The following PDE3A variants were observed in gnomAD, a reference collection of about 807,000 sequenced individuals.
The protein encoded by PDE3A is cGMP-inhibited 3',5'-cyclic phosphodiesterase 3A.
In PDE3A, 43 loss-of-function variants were observed where a neutral mutation model predicts 98.3. The observed-to-expected ratio is 0.44, with a 90% CI of 0.34 to 0.56. The LOEUF (loss-of-function observed/expected upper bound fraction) is 0.56. PDE3A is among the 20% of genes least tolerant of loss of function. PDE3A has a pLI of 0.01. For missense variants in PDE3A, 1,427 were observed against 1,440.7 expected, an observed-to-expected ratio of 0.99 and a Z score of 0.15; for synonymous variants, 663 against 567.9, an observed-to-expected ratio of 1.17 and a Z score of -2.38.
intron 1 of PDE3A, 68 bp from the exon 2 acceptor site, chr12:20,556,592 A>T: frequency 9.9e-7 from 1 of 1,010,098 alleles, no homozygotes; most frequent in Non-Finnish European, 1.6e-6. Flanking sequence ...TTATTCTTTA[A>T]AATAAAGAAG....
At chr12:20,497,217 A>G (rs1388340945) in intron 1 of PDE3A, among the ~76,000 whole-genome samples, 3 of 152,160 alleles carry the variant, frequency 2.0e-5, no homozygotes, top group Non-Finnish European at 4.4e-5. Context: ...TTCTGATACA[A>G]CTGATTAAGT....
chr12:20,568,740 AC>A (rs1942722814), intron 2 of PDE3A, among the ~76,000 whole-genome samples: 1 of 151,974 alleles, frequency 6.6e-6, no homozygotes, highest in Non-Finnish European at 1.5e-5. Flanking sequence ...ATCTCATTAA[AC>A]TTTTTCATAA....
At chr12:20,529,373 C>A (rs1033677733) in intron 1 of PDE3A, among the ~76,000 whole-genome samples, 1 of 151,924 alleles carries the variant, frequency 6.6e-6, no homozygotes, top group Admixed American at 6.6e-5. Flanking sequence ...AAACTGAGAC[C>A]CATATACTAA....
intron 1 of PDE3A, among the ~76,000 whole-genome samples, chr12:20,523,378 C>A (rs1377167421): frequency 6.6e-6 from 1 of 152,216 alleles, no homozygotes; most frequent in African/African-American, 2.4e-5. Context: ...AGAGCATACA[C>A]AATTCTGCTT....
At chr12:20,449,312 T>G (rs1341500665) in intron 1 of PDE3A, among the ~76,000 whole-genome samples, 1 of 152,238 alleles carries the variant, frequency 6.6e-6, no homozygotes, top group African/African-American at 2.4e-5. Flanking sequence ...TAACAGTTGC[T>G]TCAGAAAATA....
intron 1 of PDE3A, among the ~76,000 whole-genome samples, chr12:20,384,282 T>C (rs1197928191): frequency 1.3e-5 from 2 of 151,804 alleles, no homozygotes; most frequent in African/African-American, 4.8e-5. Context: ...TGAAATCTGC[T>C]TACATGGAAA....
At chr12:20,445,414 G>A (rs1394504030) in intron 1 of PDE3A, among the ~76,000 whole-genome samples, 1 of 152,058 alleles carries the variant, frequency 6.6e-6, no homozygotes. Flanking sequence ...TAACTGTAAG[G>A]CTTTTCCAAA....
intron 1 of PDE3A, among the ~76,000 whole-genome samples, chr12:20,537,533 C>T (rs1941778038): frequency 6.6e-6 from 1 of 152,008 alleles, no homozygotes; most frequent in African/African-American, 2.4e-5. Context: ...ACAGCTATAA[C>T]ATTTTGAACA....
At chr12:20,508,569 C>T (rs1271904069) in intron 1 of PDE3A, among the ~76,000 whole-genome samples, 1 of 151,886 alleles carries the variant, frequency 6.6e-6, no homozygotes, top group Non-Finnish European at 1.5e-5. Context: ...TCATTTCATG[C>T]AGTATTGCTT....
chr12:20,409,344 A>G (rs1364086143), intron 1 of PDE3A, among the ~76,000 whole-genome samples: 1 of 151,974 alleles, frequency 6.6e-6, no homozygotes, highest in African/African-American at 2.4e-5. Flanking sequence ...CATTTCTACA[A>G]CTCTTTCTAG....
In PDE3A at chr12:20,615,597, T is replaced by G. The variant is rs564918432; in HGVS notation, c.1270-633T>G. 5.3e-5 allele frequency among the ~76,000 whole-genome samples: 8 copies of G among 152,250 alleles called. 1 individual carries two copies. Among genetic ancestry groups the G allele is most frequent in the African/African-American group, 1.7e-4 (7 of 41,546 alleles). On this transcript the variant is annotated intron_variant, in intron 3 of 15. Transcript: ENST00000359062. ...AACTTCTCATAATAACTAATATGTG[T>G]GTATAGGTGTGTAAATCCTGTTGAA...
At chr12:20,590,499 G>A (rs183041620) in intron 2 of PDE3A, among the ~76,000 whole-genome samples, 1 of 150,896 alleles carries the variant, frequency 6.6e-6, no homozygotes, top group Admixed American at 6.6e-5. Flanking sequence ...CTCAAGCTGG[G>A]TGTGGTGGCT....
At position 20,552,341 on chromosome 12, in the gene PDE3A, C is replaced by G; in HGVS notation, c.961-4319C>G. On this transcript the variant is annotated intron_variant, in intron 1 of 15. Coordinates refer to ENST00000359062, the MANE Select transcript of PDE3A (RefSeq NM_000921.5). The surrounding 1 kb of genome is among the most constrained non-coding windows in gnomAD (Gnocchi z 5.1). ...AAATACTGGCCCGAGAAGGGGAAGT[C>G]CGGGTTTCTCGTGTGGCGCTACCTT... The G allele has an allele frequency of 6.2e-7, 1 of 1,613,826 alleles. No homozygotes were observed. Among genetic ancestry groups the G allele is most frequent in the Non-Finnish European group, 8.5e-7 (1 of 1,179,844 alleles).
At position 20,446,911 on chromosome 12, in the gene PDE3A, G is replaced by GA. The variant is rs1436495740; in HGVS notation, c.960+76673dup. On this transcript the variant is annotated intron_variant, in intron 1 of 15. Transcript: ENST00000359062. ...GGCTGAGGGAACTGCAGTCCAAGGA[G>GA]AAAAAACAGCAAGCGTAAATCTCAC... 3.9e-5 allele frequency among the ~76,000 whole-genome samples: 6 copies of GA among 152,282 alleles called. No homozygotes were observed. In the South Asian group the frequency reaches 1.2e-3, roughly 32 times the overall value.
chr12:20,570,686 A>T (rs369789710), intron 2 of PDE3A, among the ~76,000 whole-genome samples: 1 of 152,114 alleles, frequency 6.6e-6, no homozygotes, highest in East Asian at 1.9e-4. Flanking sequence ...TTTGTTTCTG[A>T]GCAGTCATGA....
chr12:20,584,814 T>C (rs755455075), intron 2 of PDE3A, among the ~76,000 whole-genome samples: 1 of 152,188 alleles, frequency 6.6e-6, no homozygotes, highest in Non-Finnish European at 1.5e-5. Context: ...TTTCATTTTT[T>C]TTATGTCCTT....
chr12:20,458,183 T>G (rs548323468), intron 1 of PDE3A, among the ~76,000 whole-genome samples: 1 of 152,102 alleles, frequency 6.6e-6, no homozygotes, highest in Non-Finnish European at 1.5e-5. Context: ...GAGCAGTGCT[T>G]GGTGCCTTTG....
chr12:20,448,206 G>T (rs1294710108), intron 1 of PDE3A, among the ~76,000 whole-genome samples: 1 of 152,074 alleles, frequency 6.6e-6, no homozygotes, highest in Non-Finnish European at 1.5e-5. Flanking sequence ...TTGGGAGGCC[G>T]AGGCGGGTGG....
chr12:20,664,796 A>G (rs1945267410), intron 15 of PDE3A, among the ~76,000 whole-genome samples: 2 of 152,072 alleles, frequency 1.3e-5, no homozygotes, highest in Admixed American at 6.5e-5. Context: ...TTTTCTTTGT[A>G]AATTATCCAG....
Sources: gnomAD v4.1 joint callset for allele counts (sites outside exome capture counted in the v4.1 genomes callset) on GRCh38, gnomAD v4.1.1 for gene constraint, Gnocchi (gnomAD v3.1) non-coding constraint, MANE v1.5 for transcripts, NCBI Gene and HGNC (gene_info 2026-07-23, HGNC 2026-07-21) for gene names.